The following JAK2 variants were observed in gnomAD, a reference collection of about 807,000 sequenced individuals.
JAK2 encodes the protein Janus kinase 2.
JAK2 carries 86 observed loss-of-function variants against 139.3 expected under a neutral mutation model. The observed-to-expected ratio is 0.62, with a 90% CI of 0.52 to 0.74. JAK2 has a LOEUF of 0.74. JAK2 is among the 30% of genes least tolerant of loss of function. JAK2 has a pLI of 0.00. For synonymous variants in JAK2, 490 were observed against 437.7 expected (o/e 1.12, Z -1.49); for missense variants, 1,421 against 1,360.3 (o/e 1.04, Z -0.70).
At chr9:5,063,932 C>A (rs1351689934) in intron 8 of JAK2, among the ~76,000 whole-genome samples, 2 of 152,112 alleles carry the variant, frequency 1.3e-5, no homozygotes, top group African/African-American at 2.4e-5. Context: ...CCAAGGCGGG[C>A]GGATCATTAG....
chr9:5,089,470 G>A (rs548133467), intron 19 of JAK2, among the ~76,000 whole-genome samples: 18 of 150,520 alleles, frequency 1.2e-4, no homozygotes, highest in African/African-American at 2.4e-4. Flanking sequence ...CCCAGGGGGC[G>A]GAGCTTGCAG....
intron 2 of JAK2, among the ~76,000 whole-genome samples, chr9:5,014,028 T>C (rs1279312811): frequency 6.6e-6 from 1 of 152,152 alleles, no homozygotes; most frequent in Non-Finnish European, 1.5e-5. Flanking sequence ...ATCTGAAAAG[T>C]TGTGTCTCTT....
chr9:5,041,157 T>C (rs1015412537), intron 4 of JAK2: 3 of 1,176,272 alleles, frequency 2.6e-6, no homozygotes, highest in Non-Finnish European at 1.2e-6. Context: ...ATCACGCGCA[T>C]GGATTATGTG....
rs149365108 is a variant in JAK2 at position 5,053,483 on chromosome 9, G to A, written c.615-1080G>A. On this transcript the variant is annotated intron_variant, in intron 6 of 24. Coordinates refer to ENST00000381652, the MANE Select transcript of JAK2 (RefSeq NM_004972.4). ...TTTGTAGCACAAAAGTTTTAATTTT[G>A]AAGTAGTCTAATTTGCCCCATTTTT... 2.6e-5 allele frequency among the ~76,000 whole-genome samples: 4 copies of A among 152,078 alleles called. No individual in the cohort carries two copies. The East Asian group carries it at 7.7e-4, about 29-fold the overall frequency.
chr9:5,013,963 C>G (rs116915373), intron 2 of JAK2, among the ~76,000 whole-genome samples: 2,296 of 152,030 alleles, frequency 0.015, 11 homozygotes, highest in South Asian at 0.024. Flanking sequence ...TCTCTTGGCT[C>G]CCAGGTTAGT....
intron 4 of JAK2, among the ~76,000 whole-genome samples, chr9:5,036,888 T>G (rs1816078380): frequency 6.6e-6 from 1 of 152,182 alleles, no homozygotes. Flanking sequence ...AAAGAGCTTC[T>G]GCACAGCAAA....
At chr9:5,044,351 G>A (rs957581090) in intron 4 of JAK2, 52 bp from the exon 5 acceptor site, 9 of 1,109,974 alleles carry the variant, frequency 8.1e-6, no homozygotes, top group Admixed American at 5.1e-5. Flanking sequence ...TAGATAGTAC[G>A]TTTGTATTTG....
intron 2 of JAK2, among the ~76,000 whole-genome samples, chr9:4,986,965 A>T (rs1244188275): frequency 2.7e-4 from 41 of 152,180 alleles, no homozygotes; most frequent in Admixed American, 2.6e-3. Context: ...TTGATATAAC[A>T]CCCAGAACAT....
intron 22 of JAK2, chr9:5,099,606 G>C (rs529139822): frequency 1.3e-5 from 2 of 152,112 alleles, no homozygotes; most frequent in Non-Finnish European, 1.5e-5. Context: ...TACAATTCTA[G>C]GCCTACCAGC....
chr9:5,114,804 AAAT>A (rs1280310871), intron 22 of JAK2: 2 of 287,418 alleles, frequency 7.0e-6, no homozygotes, highest in African/African-American at 4.5e-5. Context: ...AAATCCCATT[AAAT>A]GTCCTCCTGC....
At chr9:5,077,678 G>T in intron 15 of JAK2, 98 bp downstream of exon 15, 1 of 699,356 alleles carries the variant, frequency 1.4e-6, no homozygotes, top group Non-Finnish European at 2.2e-6. Context: ...ATCTGTAATT[G>T]GATGCCAATT....
intron 4 of JAK2, among the ~76,000 whole-genome samples, chr9:5,040,585 C>G (rs1422773677): frequency 6.6e-6 from 1 of 152,172 alleles, no homozygotes. Flanking sequence ...TGTCTTATCT[C>G]CAGAATATAA....
intron 2 of JAK2, among the ~76,000 whole-genome samples, chr9:5,020,613 G>C (rs904139183): frequency 6.6e-6 from 1 of 152,166 alleles, no homozygotes; most frequent in Non-Finnish European, 1.5e-5. Flanking sequence ...ATGTGATGAA[G>C]CTGTACTCAG....
At chr9:5,105,551 C>T (rs1005344442) in intron 22 of JAK2, among the ~76,000 whole-genome samples, 1 of 152,124 alleles carries the variant, frequency 6.6e-6, no homozygotes, top group Non-Finnish European at 1.5e-5. Context: ...TTTCATAGAA[C>T]TGGAAACAAC....
chr9:5,049,028 C>T (rs962766053), intron 5 of JAK2, among the ~76,000 whole-genome samples: 6 of 152,156 alleles, frequency 3.9e-5, no homozygotes, highest in African/African-American at 9.7e-5. Context: ...AGGTCAAAAT[C>T]GTAGAACCTC....
At chr9:5,112,358 G>A (rs1822668472) in intron 22 of JAK2, 1 of 380,942 alleles carries the variant, frequency 2.6e-6, no homozygotes, top group East Asian at 5.9e-5. Flanking sequence ...CTCCTGCAGT[G>A]GGCTAGGGCG....
chr9:5,021,899 C>A, intron 2 of JAK2, 64 bp from the exon 3 acceptor site: 1 of 947,220 alleles, frequency 1.1e-6, no homozygotes, highest in Non-Finnish European at 1.6e-6. Context: ...CCGCAAAGTG[C>A]TAGGATTACA....
At position 5,129,564 on chromosome 9, in the gene JAK2, TAGTAAC is replaced by T. The variant is rs1824210548; in HGVS notation, c.*2779_*2784del. On this transcript the variant is annotated 3_prime_UTR_variant, in exon 25 of 25. Transcript: ENST00000381652. ...TCAGTTTGCTGTATATTAGAATAAA[TAGTAAC>T]AGTAAGTCAGCAGGATTATCCAAAC... Among the ~76,000 whole-genome samples, 1 of 152,220 alleles carries T rather than the reference TAGTAAC, an allele frequency of 6.6e-6. No individual in the cohort carries two copies. The highest frequency in any genetic ancestry group is 6.5e-5 in the Admixed American group (1 of 15,290).
At chr9:5,032,829 A>G (rs556819479) in intron 4 of JAK2, among the ~76,000 whole-genome samples, 2 of 152,346 alleles carry the variant, frequency 1.3e-5, no homozygotes, top group South Asian at 2.1e-4. Context: ...AACTCTAAAA[A>G]TGAGAGCACC....
Sources: gnomAD v4.1 joint callset for allele counts (sites outside exome capture counted in the v4.1 genomes callset) on GRCh38, gnomAD v4.1.1 for gene constraint, MANE v1.5 for transcripts, NCBI Gene and HGNC (gene_info 2026-07-23, HGNC 2026-07-21) for gene names.